Variants in MSRA observed in about 807,000 individuals in gnomAD.
MSRA encodes methionine sulfoxide reductase A.
MSRA carries 54 observed loss-of-function variants against 31.3 expected under a neutral mutation model. The observed-to-expected ratio is 1.73, with a 90% confidence interval of 1.39 to 2.17. The LOEUF (loss-of-function observed/expected upper bound fraction) is 2.17, where lower values mean the gene tolerates loss of function less well. MSRA is among the 30% of genes most tolerant of loss of function. MSRA has a pLI of 0.00. For missense variants in MSRA, 507 were observed against 300.9 expected (o/e 1.69, Z -5.07); for synonymous variants, 169 against 116.5 (o/e 1.45, Z -2.90).
intron 5 of MSRA, among the ~76,000 whole-genome samples, chr8:10,374,264 A>G (rs1805635907): frequency 2.0e-5 from 3 of 152,216 alleles, no homozygotes; most frequent in Admixed American, 2.0e-4. Context: ...GGACAGAGAT[A>G]TTAGAGGAGA....
At chr8:10,223,901 C>T (rs974578762) in intron 2 of MSRA, among the ~76,000 whole-genome samples, 6 of 152,222 alleles carry the variant, frequency 3.9e-5, no homozygotes, top group African/African-American at 1.2e-4. Flanking sequence ...CCTTTTAGAA[C>T]AAATGGGTTT....
rs140160469 is a variant in MSRA, at chr8:10,086,959, C to T, written c.142+32301C>T. The stretch of plus-strand genomic sequence containing the variant: ...TGAGAATGGATATAATTTGGGTTGG[C>T]CTTAGGAAGGAGGGCTCTCAGAATT... On this transcript the variant is annotated intron_variant, in intron 1 of 5. Transcript: ENST00000317173. Among the ~76,000 whole-genome samples, 219 of 151,626 alleles carry T rather than the reference C, an allele frequency of 1.4e-3. 2 individuals are homozygous for T. Among genetic ancestry groups the T allele is most frequent in the African/African-American group, 5.2e-3 (216 of 41,316 alleles).
chr8:10,233,514 A>G (rs963391923), intron 2 of MSRA, among the ~76,000 whole-genome samples: 1 of 152,254 alleles, frequency 6.6e-6, no homozygotes, highest in African/African-American at 2.4e-5. Flanking sequence ...TAAAAGAACT[A>G]AATATAAAAC....
intron 3 of MSRA, among the ~76,000 whole-genome samples, chr8:10,290,485 A>G (rs1800173414): frequency 6.6e-6 from 1 of 152,076 alleles, no homozygotes; most frequent in Non-Finnish European, 1.5e-5. Flanking sequence ...TGGTTTAGCC[A>G]CATACATCAG....
At position 10,368,138 on chromosome 8, in the gene MSRA, C is replaced by T. The variant is rs1334577831; in HGVS notation, c.543+48149C>T. Among the ~76,000 whole-genome samples, 6 of 152,300 alleles carry T rather than the reference C, an allele frequency of 3.9e-5. No individual in the cohort carries two copies. The East Asian group carries it at 7.7e-4, about 20-fold the overall frequency. On this transcript the variant is annotated intron_variant, in intron 5 of 5. Transcript: ENST00000317173. ...GAAGCCATGGAAAGAAAGGGTACCT[C>T]GCTGATCCAGATCGTGGGACAAGTG...
At chr8:10,335,362 T>C (rs2129146676) in intron 5 of MSRA, among the ~76,000 whole-genome samples, 1 of 149,042 alleles carries the variant, frequency 6.7e-6, no homozygotes, top group Middle Eastern at 3.6e-3. Flanking sequence ...AGCTGTCAGA[T>C]TCCATTTACC....
chr8:10,342,924 TAAAATGTGAATAATAA>T (rs1803523342), intron 5 of MSRA, among the ~76,000 whole-genome samples: 1 of 152,132 alleles, frequency 6.6e-6, no homozygotes, highest in South Asian at 2.1e-4. Context: ...TTCTCATACA[TAAAATGTGAATAATAA>T]AAAATAGCTG....
intron 1 of MSRA, among the ~76,000 whole-genome samples, chr8:10,195,137 T>C (rs909051581): frequency 6.6e-6 from 1 of 152,238 alleles, no homozygotes; most frequent in Non-Finnish European, 1.5e-5. Flanking sequence ...AGGACCAGTA[T>C]TTTTACAAGC....
chr8:10,102,807 A>T (rs1799625219), intron 1 of MSRA, among the ~76,000 whole-genome samples: 1 of 152,168 alleles, frequency 6.6e-6, no homozygotes, highest in African/African-American at 2.4e-5. Flanking sequence ...GTAGGAGGGT[A>T]CCTTATTATT....
intron 5 of MSRA, among the ~76,000 whole-genome samples, chr8:10,344,725 A>G (rs1342897605): frequency 1.3e-5 from 2 of 152,002 alleles, no homozygotes; most frequent in Non-Finnish European, 2.9e-5. Flanking sequence ...TCAGGTTTGC[A>G]TGTCAGGGAT....
intron 1 of MSRA, among the ~76,000 whole-genome samples, chr8:10,112,698 T>C (rs988948750): frequency 1.3e-5 from 2 of 152,346 alleles, no homozygotes; most frequent in East Asian, 1.9e-4. Flanking sequence ...TGTAGTGATA[T>C]AAATTCCACG....
At chr8:10,395,309 C>G (rs953073410) in intron 5 of MSRA, among the ~76,000 whole-genome samples, 2 of 152,076 alleles carry the variant, frequency 1.3e-5, no homozygotes, top group Non-Finnish European at 2.9e-5. Flanking sequence ...GAGGCAATGC[C>G]TTATAGGGAG....
chr8:10,220,406 C>T (rs1333107973), intron 2 of MSRA, among the ~76,000 whole-genome samples: 1 of 152,132 alleles, frequency 6.6e-6, no homozygotes, highest in Non-Finnish European at 1.5e-5. Flanking sequence ...TAGACATTAC[C>T]ATGAAGAAAC....
intron 1 of MSRA, among the ~76,000 whole-genome samples, chr8:10,073,558 C>G (rs1400742009): frequency 2.0e-5 from 2 of 98,922 alleles, no homozygotes; most frequent in Non-Finnish European, 5.3e-5. Context: ...GTCCTTTTTT[C>G]TTTCTTTTTT....
intron 2 of MSRA, among the ~76,000 whole-genome samples, chr8:10,241,446 T>C (rs1812403907): frequency 6.6e-6 from 1 of 152,168 alleles, no homozygotes; most frequent in African/African-American, 2.4e-5. Context: ...TGATGATGTT[T>C]AAAAAACTCT....
At chr8:10,153,221 G>A (rs542167506) in intron 1 of MSRA, among the ~76,000 whole-genome samples, 2 of 152,284 alleles carry the variant, frequency 1.3e-5, no homozygotes, top group South Asian at 4.2e-4. Context: ...GACAGCAGAT[G>A]GCTGAGAAGT....
chr8:10,223,226 C>G (rs1304581559), intron 2 of MSRA, among the ~76,000 whole-genome samples: 1 of 152,076 alleles, frequency 6.6e-6, no homozygotes, highest in Non-Finnish European at 1.5e-5. Context: ...TTGATTTAAA[C>G]CACTCAGAAT....
chr8:10,154,049 A>G (rs191656243), intron 1 of MSRA, among the ~76,000 whole-genome samples: 2 of 152,346 alleles, frequency 1.3e-5, no homozygotes, highest in Non-Finnish European at 2.9e-5. Flanking sequence ...AATCTGTACC[A>G]TCATAGATAG....
rs914606860 is a variant in MSRA at position 10,248,614 on chromosome 8, G to T, written c.331+3391G>T. Among the ~76,000 whole-genome samples, 9 of 152,276 alleles carry T rather than the reference G, an allele frequency of 5.9e-5. No individual in the cohort carries two copies. In the East Asian group the frequency reaches 7.7e-4, roughly 13 times the overall value. ...GTAGAAGCAGTGTGTGTCCAGAGAGGGTGTGGATTCATATCCGAATGGTAT... is the reference window on the plus strand; with the variant it reads ...GTAGAAGCAGTGTGTGTCCAGAGAGTGTGTGGATTCATATCCGAATGGTAT... On this transcript the variant is annotated intron_variant, in intron 3 of 5. Transcript: ENST00000317173.
Sources: allele counts gnomAD v4.1 joint callset (sites outside exome capture counted in the v4.1 genomes callset), GRCh38; gene constraint gnomAD v4.1.1; transcripts MANE v1.5; gene names NCBI Gene and HGNC (gene_info 2026-07-23, HGNC 2026-07-21).